UNC5D: variants seen among roughly 807,000 people sequenced by gnomAD.
UNC5D encodes the protein unc-5 netrin receptor D.
Under a neutral mutation model 105.4 loss-of-function variants are expected in UNC5D, and 39 were observed. The observed-to-expected ratio is 0.37, with a 90% confidence interval of 0.29 to 0.48. The LOEUF (loss-of-function observed/expected upper bound fraction) is 0.48, where lower values mean the gene tolerates loss of function less well. Ranked by LOEUF, UNC5D falls within the 20% of genes least tolerant of loss-of-function variation. The pLI, the probability that UNC5D is intolerant of heterozygous loss-of-function variation, is 0.98. For missense variants in UNC5D, 991 were observed against 1,202.4 expected (o/e 0.82, Z 2.60); for synonymous variants, 452 against 450.4 (o/e 1.00, Z -0.04).
intron 1 of UNC5D, among the ~76,000 whole-genome samples, chr8:35,509,273 A>G (rs1305335386): frequency 2.0e-5 from 3 of 151,720 alleles, no homozygotes; most frequent in South Asian, 4.1e-4. Context: ...CTGTGCACCA[A>G]TCAAAGAAAA....
intron 1 of UNC5D, among the ~76,000 whole-genome samples, chr8:35,459,444 A>G (rs1256454736): frequency 6.6e-6 from 1 of 152,160 alleles, no homozygotes; most frequent in Non-Finnish European, 1.5e-5. Flanking sequence ...CTGCTTGTTG[A>G]ACACACATTA....
chr8:35,728,318 G>A lies in UNC5D; in HGVS notation c.1681+1789G>A, dbSNP rs1023785128. On this transcript the variant is annotated intron_variant, in intron 10 of 16. Coordinates refer to ENST00000404895, the MANE Select transcript of UNC5D (RefSeq NM_080872.4). ...CACATCTGTTTACACATATGTAGAGGGAGAGCCATGACCAACCCGTTCATT... is the reference window on the plus strand; with the variant it reads ...CACATCTGTTTACACATATGTAGAGAGAGAGCCATGACCAACCCGTTCATT... 4.6e-5 allele frequency among the ~76,000 whole-genome samples: 7 copies of A among 151,944 alleles called. No homozygotes were observed. In the South Asian group the frequency reaches 1.5e-3, roughly 32 times the overall value.
At chr8:35,399,990 ACTT>A (rs1023335940) in intron 1 of UNC5D, among the ~76,000 whole-genome samples, 10 of 152,246 alleles carry the variant, frequency 6.6e-5, no homozygotes, top group African/African-American at 2.4e-4. Flanking sequence ...AGAAACTACC[ACTT>A]CTTCTGCCTT....
intron 10 of UNC5D, among the ~76,000 whole-genome samples, chr8:35,729,478 T>C (rs761457607): frequency 3.9e-5 from 6 of 152,208 alleles, no homozygotes; most frequent in Non-Finnish European, 8.8e-5. Flanking sequence ...TACTTCTAAG[T>C]CTGAAAAATA....
chr8:35,647,046 A>G (rs1267470143), intron 4 of UNC5D, among the ~76,000 whole-genome samples: 1 of 152,142 alleles, frequency 6.6e-6, no homozygotes, highest in African/African-American at 2.4e-5. Flanking sequence ...CCCAGTCCAA[A>G]TAGGAGGATG....
chr8:35,405,841 G>T (rs1804770996), intron 1 of UNC5D, among the ~76,000 whole-genome samples: 1 of 151,940 alleles, frequency 6.6e-6, no homozygotes, highest in African/African-American at 2.4e-5. Flanking sequence ...TTAGTGTGCT[G>T]CACTGCAGTA....
At chr8:35,587,793 CT>C (rs577939213) in intron 3 of UNC5D, among the ~76,000 whole-genome samples, 1 of 151,594 alleles carries the variant, frequency 6.6e-6, no homozygotes, top group Non-Finnish European at 1.5e-5. Flanking sequence ...AGAAAGGGAT[CT>C]TTTTTTGGAC....
chr8:35,538,397 A>ATATATATG (rs1815003294), intron 1 of UNC5D, among the ~76,000 whole-genome samples: 3 of 47,018 alleles, frequency 6.4e-5, no homozygotes, highest in Non-Finnish European at 1.6e-4. Context: ...AAAAATAATT[A>ATATATATG]TATATATATA....
intron 1 of UNC5D, among the ~76,000 whole-genome samples, chr8:35,389,788 G>A (rs1803660061): frequency 6.6e-6 from 1 of 151,058 alleles, no homozygotes; most frequent in Non-Finnish European, 1.5e-5. Flanking sequence ...ACAAGCAATG[G>A]GAAGTTAAAG....
intron 4 of UNC5D, among the ~76,000 whole-genome samples, chr8:35,636,246 G>T (rs114187043): frequency 6.6e-6 from 1 of 152,114 alleles, no homozygotes; most frequent in Non-Finnish European, 1.5e-5. Context: ...TGTACCTACC[G>T]GTAATAGTTT....
chr8:35,301,136 G>A (rs1260038799), intron 1 of UNC5D, among the ~76,000 whole-genome samples: 1 of 152,100 alleles, frequency 6.6e-6, no homozygotes, highest in Non-Finnish European at 1.5e-5. Flanking sequence ...ACTGATTCCA[G>A]AGATGGAACA....
At chr8:35,735,939 G>T (rs1349088482) in intron 11 of UNC5D, among the ~76,000 whole-genome samples, 1 of 152,204 alleles carries the variant, frequency 6.6e-6, no homozygotes, top group African/African-American at 2.4e-5. Context: ...GAGATTAAAA[G>T]ATGGGCCAGC....
intron 3 of UNC5D, among the ~76,000 whole-genome samples, chr8:35,591,796 G>T (rs544785366): frequency 6.6e-6 from 1 of 152,226 alleles, no homozygotes; most frequent in Admixed American, 6.6e-5. Context: ...TCATAGAACC[G>T]ATGATAGAAC....
At chr8:35,540,444 G>GGGGTGT (rs1554554009) in intron 1 of UNC5D, among the ~76,000 whole-genome samples, 22 of 142,792 alleles carry the variant, frequency 1.5e-4, no homozygotes, top group African/African-American at 5.1e-4. Context: ...AAAGCAGAGG[G>GGGGTGT]GTGTGTGTGT....
At chr8:35,442,866 T>C (rs1012512307) in intron 1 of UNC5D, among the ~76,000 whole-genome samples, 1 of 146,304 alleles carries the variant, frequency 6.8e-6, no homozygotes, top group African/African-American at 2.6e-5. Context: ...CATCTCTCTC[T>C]CTCTCTCTCT....
At chr8:35,659,403 A>C (rs537796202) in intron 4 of UNC5D, among the ~76,000 whole-genome samples, 10 of 152,330 alleles carry the variant, frequency 6.6e-5, no homozygotes, top group African/African-American at 2.2e-4. Context: ...ACCATGACAA[A>C]ACAATGTGAT....
At chr8:35,483,408 A>C (rs1384371455) in intron 1 of UNC5D, among the ~76,000 whole-genome samples, 1 of 152,220 alleles carries the variant, frequency 6.6e-6, no homozygotes. Flanking sequence ...TTACCTTTGC[A>C]GTCACCAGCA....
At chr8:35,604,859 G>A (rs1021486986) in intron 4 of UNC5D, among the ~76,000 whole-genome samples, 20 of 151,926 alleles carry the variant, frequency 1.3e-4, no homozygotes, top group Admixed American at 3.9e-4. Context: ...TTGTGCATTC[G>A]TCACGTAGTT....
At chr8:35,558,329 G>A (rs536131450) in intron 2 of UNC5D, among the ~76,000 whole-genome samples, 45 of 151,746 alleles carry the variant, frequency 3.0e-4, no homozygotes, top group African/African-American at 1.0e-3. Context: ...GGGGACCTGT[G>A]GCAAAATAAT....
Sources: gnomAD v4.1 joint callset for allele counts (sites outside exome capture counted in the v4.1 genomes callset) on GRCh38, gnomAD v4.1.1 for gene constraint, MANE v1.5 for transcripts, NCBI Gene and HGNC (gene_info 2026-07-23, HGNC 2026-07-21) for gene names.